FBN2: variants seen among roughly 807,000 people sequenced by gnomAD.
FBN2 encodes fibrillin 2, also known as fibrillin-2.
Under a neutral mutation model 355.6 loss-of-function variants are expected in FBN2, and 105 were observed. The ratio of observed to expected loss-of-function variants is 0.30; its 90% CI spans 0.25 to 0.35. The LOEUF is 0.35. Among genes scored for constraint, FBN2 ranks in the 10% least tolerant of loss-of-function variants. FBN2 has a pLI of 1.00. For missense variants in FBN2, 3,280 were observed against 3,758.7 expected (o/e 0.87, Z 3.33); for synonymous variants, 1,350 against 1,301.2 (o/e 1.04, Z -0.81).
At chr5:128,483,699 T>A (rs1285153829) in intron 5 of FBN2, among the ~76,000 whole-genome samples, 1 of 151,962 alleles carries the variant, frequency 6.6e-6, no homozygotes. Flanking sequence ...GTATTTCAAG[T>A]ATTGAAAATG....
intron 8 of FBN2, among the ~76,000 whole-genome samples, 160 bp downstream of exon 8, chr5:128,408,514 A>ACC (rs1752987997): frequency 6.6e-6 from 1 of 152,222 alleles, no homozygotes; most frequent in Admixed American, 6.5e-5. Context: ...TGCAAAGAGT[A>ACC]CCTGGTCTAT....
At chr5:128,441,708 T>A (rs1041603710) in intron 7 of FBN2, among the ~76,000 whole-genome samples, 1 of 152,178 alleles carries the variant, frequency 6.6e-6, no homozygotes, top group African/African-American at 2.4e-5. Context: ...AAGTGAGGAA[T>A]AAATTATTTG....
At chr5:128,410,962 A>AAAC (rs148216132) in intron 7 of FBN2, among the ~76,000 whole-genome samples, 2 of 152,184 alleles carry the variant, frequency 1.3e-5, no homozygotes, top group Admixed American at 1.3e-4. Flanking sequence ...TGCTTTTTTA[A>AAAC]AACAACAACA....
intron 34 of FBN2, among the ~76,000 whole-genome samples, chr5:128,324,181 G>A (rs1189101043): frequency 6.6e-6 from 1 of 151,666 alleles, no homozygotes; most frequent in Non-Finnish European, 1.5e-5. Flanking sequence ...ATTCTTCTCT[G>A]TCTTCTTATT....
Position 128,464,892 on chromosome 5 carries a change from C to G in FBN2, c.658G>C (p.Val220Leu). ...DYRTGPCFTQVNNQMCQGQLT... is the reference protein window; with the variant it reads ...DYRTGPCFTQLNNQMCQGQLT... Reference sequence around the variant, plus strand: ...TGCCCTTGGCACATCTGGTTGTTGACCTGAGTGAAACACGGGCCTGTCCTG... The same window carrying G: ...TGCCCTTGGCACATCTGGTTGTTGAGCTGAGTGAAACACGGGCCTGTCCTG... The change falls in exon 6 of 65, where the codon GTC (valine) becomes CTC (leucine). Residue 220 changes from valine (V) to leucine (L), a missense_variant. Coordinates refer to ENST00000262464, the MANE Select transcript of FBN2 (RefSeq NM_001999.4). The G allele has an allele frequency of 6.2e-7, 1 of 1,614,162 alleles. No homozygotes were observed. The highest frequency in any genetic ancestry group is 8.5e-7 in the Non-Finnish European group (1 of 1,180,036).
At chr5:128,267,180 AT>A (rs1444484471) in intron 62 of FBN2, among the ~76,000 whole-genome samples, 2 of 152,186 alleles carry the variant, frequency 1.3e-5, no homozygotes, top group African/African-American at 4.8e-5. Flanking sequence ...GCTGCATAGT[AT>A]TCCATGGTGT....
chr5:128,351,685 A>G (rs985417369), intron 20 of FBN2, among the ~76,000 whole-genome samples: 1 of 152,156 alleles, frequency 6.6e-6, no homozygotes, highest in African/African-American at 2.4e-5. Flanking sequence ...GGTAATTAAT[A>G]TAATTATATC....
intron 5 of FBN2, among the ~76,000 whole-genome samples, chr5:128,479,050 A>G (rs1446596942): frequency 2.0e-5 from 3 of 152,176 alleles, no homozygotes; most frequent in Middle Eastern, 3.2e-3. Flanking sequence ...AAAACAATAT[A>G]TTTTGTGTAA....
chr5:128,370,452 C>T (rs963902629), intron 15 of FBN2, among the ~76,000 whole-genome samples: 2 of 152,080 alleles, frequency 1.3e-5, no homozygotes, highest in African/African-American at 2.4e-5. Flanking sequence ...AAATGAGATA[C>T]GTGTGTGCTT....
At chr5:128,422,925 G>T (rs539034273) in intron 7 of FBN2, among the ~76,000 whole-genome samples, 2 of 152,208 alleles carry the variant, frequency 1.3e-5, no homozygotes, top group East Asian at 1.9e-4. Flanking sequence ...GATGCAGCTG[G>T]TTTCAAAATA....
At chr5:128,476,444 A>G (rs1755007133) in intron 5 of FBN2, among the ~76,000 whole-genome samples, 1 of 152,106 alleles carries the variant, frequency 6.6e-6, no homozygotes, top group Non-Finnish European at 1.5e-5. Context: ...AAGAAAAACC[A>G]AAGAAAATAC....
intron 20 of FBN2, among the ~76,000 whole-genome samples, 197 bp from the exon 21 acceptor site, chr5:128,351,202 CA>C (rs1309497461): frequency 6.9e-6 from 1 of 145,272 alleles, no homozygotes; most frequent in African/African-American, 2.6e-5. Flanking sequence ...GGGAAAATAG[CA>C]AAACCCCATC....
At chr5:128,398,283 A>T (rs1442453711) in intron 8 of FBN2, among the ~76,000 whole-genome samples, 2 of 152,008 alleles carry the variant, frequency 1.3e-5, no homozygotes, top group Non-Finnish European at 2.9e-5. Flanking sequence ...TAACACACTA[A>T]GGAACAAAAA....
chr5:128,467,309 T>C (rs539611174), intron 5 of FBN2, among the ~76,000 whole-genome samples: 1 of 152,298 alleles, frequency 6.6e-6, no homozygotes, highest in Admixed American at 6.5e-5. Context: ...TTCTTATTTG[T>C]TTTGCTTACA....
At chr5:128,462,997 A>G (rs1034764461) in intron 6 of FBN2, among the ~76,000 whole-genome samples, 4 of 152,184 alleles carry the variant, frequency 2.6e-5, no homozygotes, top group Non-Finnish European at 4.4e-5. Context: ...TAGTCAAAAG[A>G]GAATTAAAAA....
chr5:128,509,710 A>G (rs1443035184), intron 5 of FBN2, among the ~76,000 whole-genome samples: 2 of 152,014 alleles, frequency 1.3e-5, no homozygotes, highest in East Asian at 3.9e-4. Context: ...ATATTCTTAA[A>G]CTTTCTAGAT....
At chr5:128,452,270 C>T (rs893189636) in intron 6 of FBN2, among the ~76,000 whole-genome samples, 2 of 152,100 alleles carry the variant, frequency 1.3e-5, no homozygotes, top group African/African-American at 2.4e-5. Context: ...CTCATTCCTT[C>T]AATTCAGGCA....
chr5:128,419,548 T>A (rs1429798553), intron 7 of FBN2, among the ~76,000 whole-genome samples: 1 of 152,164 alleles, frequency 6.6e-6, no homozygotes, highest in Admixed American at 6.5e-5. Context: ...GGTATTGGCT[T>A]TTTTTCAAAT....
chr5:128,263,510 T>C lies in FBN2; in HGVS notation c.8107A>G (p.Lys2703Glu), dbSNP rs1200162027. ...CHDVNECSSSKNPCNYGCSNT... is the reference protein window; with the variant it reads ...CHDVNECSSSENPCNYGCSNT... ...GAGCAGCCGTAATTGCAGGGGTTCTTGGAGGACGAGCACTCATTCACGTCG... is the reference window on the plus strand; with the variant it reads ...GAGCAGCCGTAATTGCAGGGGTTCTCGGAGGACGAGCACTCATTCACGTCG... Residue 2703 changes from lysine (K) to glutamate (E), a missense_variant, in exon 63 of 65, where the codon AAG (lysine) becomes GAG (glutamate). Physicochemically the swap from Lys to Glu is moderately conservative, Grantham distance 56. Coordinates refer to ENST00000262464, the MANE Select transcript of FBN2 (RefSeq NM_001999.4). 6.2e-7 allele frequency: 1 copy of C among 1,614,092 alleles called. No homozygotes were observed. The highest frequency in any genetic ancestry group is 1.1e-5 in the South Asian group (1 of 91,082).
Sources: gnomAD v4.1 joint callset for allele counts (sites outside exome capture counted in the v4.1 genomes callset) on GRCh38, gnomAD v4.1.1 for gene constraint, MANE v1.5 for transcripts, NCBI Gene and HGNC (gene_info 2026-07-23, HGNC 2026-07-21) for gene names.